The following SCAPER variants were observed in gnomAD, a reference collection of about 807,000 sequenced individuals.
SCAPER encodes the protein S phase cyclin A-associated protein in the endoplasmic reticulum.
Under a neutral mutation model 182.2 loss-of-function variants are expected in SCAPER, and 98 were observed. The observed-to-expected ratio is 0.54, with a 90% confidence interval of 0.46 to 0.64. SCAPER has a LOEUF of 0.64. SCAPER is among the 30% of genes least tolerant of loss of function. The probability of loss-of-function intolerance (pLI) is 0.00; values close to 1 mark genes in which losing one functional copy is unlikely to be tolerated. For missense variants in SCAPER, 1,432 were observed against 1,690.0 expected (o/e 0.85, Z 2.68); for synonymous variants, 605 against 564.6 (o/e 1.07, Z -1.01).
In SCAPER at chr15:76,478,292, CATT is replaced by C. The variant is rs534101922; in HGVS notation, c.2955-6960_2955-6958del. Among the ~76,000 whole-genome samples, 62 of 152,086 alleles carry C rather than the reference CATT, an allele frequency of 4.1e-4. 1 individual carries two copies. The highest frequency in any genetic ancestry group is 4.0e-3 in the Admixed American group (61 of 15,298). Reference sequence around the variant, plus strand: ...TAAAAATAACTTACTAAGATTATCTCATTATAAATATGACAAATGGTTAATACA... The same window carrying C: ...TAAAAATAACTTACTAAGATTATCTCATAAATATGACAAATGGTTAATACA... On this transcript the variant is annotated intron_variant, in intron 24 of 31. Transcript: ENST00000563290.
At chr15:76,734,285 T>C (rs1268171859) in intron 15 of SCAPER, among the ~76,000 whole-genome samples, 1 of 152,068 alleles carries the variant, frequency 6.6e-6, no homozygotes, top group African/African-American at 2.4e-5. Context: ...AGCTCAAAAA[T>C]CAGGTAGGAT....
At chr15:76,372,282 G>A (rs1163562173) in intron 29 of SCAPER, among the ~76,000 whole-genome samples, 1 of 152,166 alleles carries the variant, frequency 6.6e-6, no homozygotes, top group African/African-American at 2.4e-5. Context: ...CAACTGACAA[G>A]TGACAGGGTC....
chr15:76,699,957 T>C (rs1264252417), intron 20 of SCAPER, among the ~76,000 whole-genome samples: 1 of 152,104 alleles, frequency 6.6e-6, no homozygotes. Flanking sequence ...CAGAAAGTGG[T>C]GGGGAGAGGC....
At chr15:76,441,731 C>A (rs1286757924) in intron 25 of SCAPER, among the ~76,000 whole-genome samples, 1 of 152,130 alleles carries the variant, frequency 6.6e-6, no homozygotes, top group African/African-American at 2.4e-5. Flanking sequence ...TAATATTTCT[C>A]TCCCCAAACC....
intron 8 of SCAPER, among the ~76,000 whole-genome samples, chr15:76,780,388 G>A (rs2064043166): frequency 6.6e-6 from 1 of 152,230 alleles, no homozygotes; most frequent in South Asian, 2.1e-4. Context: ...CTCGAACCAG[G>A]TGGAGACCAC....
At chr15:76,691,414 A>T (rs2058350744) in intron 20 of SCAPER, among the ~76,000 whole-genome samples, 1 of 152,148 alleles carries the variant, frequency 6.6e-6, no homozygotes, top group Non-Finnish European at 1.5e-5. Flanking sequence ...TTAATCTACA[A>T]TTTTAAAACA....
chr15:76,497,212 C>T (rs552665294), intron 24 of SCAPER, among the ~76,000 whole-genome samples: 1 of 146,054 alleles, frequency 6.8e-6, no homozygotes, highest in South Asian at 2.2e-4. Context: ...CATGATTATT[C>T]AAATTCAAAT....
At chr15:76,894,026 G>A (rs982944666) in intron 1 of SCAPER, among the ~76,000 whole-genome samples, 18 of 152,146 alleles carry the variant, frequency 1.2e-4, no homozygotes, top group South Asian at 2.1e-4. Context: ...CGAGGCGGGC[G>A]GATCACCTGC....
At chr15:76,831,306 T>C (rs953921873) in intron 5 of SCAPER, among the ~76,000 whole-genome samples, 2 of 152,062 alleles carry the variant, frequency 1.3e-5, no homozygotes, top group Non-Finnish European at 2.9e-5. Context: ...GGTCCCTCCC[T>C]GGCCACACAC....
rs2044912693 is a variant in SCAPER, at chr15:76,543,010, CA to C, written c.2838+31147del. Reference sequence around the variant, plus strand: ...ATATATATATACCCCAAACTCAGTACATTTTTTTAATTTTTAAAAATAATTA... The same window carrying C: ...ATATATATATACCCCAAACTCAGTACTTTTTTTAATTTTTAAAAATAATTA... On this transcript the variant is annotated intron_variant, in intron 23 of 31. Coordinates refer to ENST00000563290, the MANE Select transcript of SCAPER (RefSeq NM_020843.4). Among the ~76,000 whole-genome samples, 4 of 152,144 alleles carry C rather than the reference CA, an allele frequency of 2.6e-5. No individual in the cohort carries two copies. The South Asian group carries it at 8.3e-4, about 32-fold the overall frequency.
intron 27 of SCAPER, among the ~76,000 whole-genome samples, chr15:76,397,348 G>A (rs1465484586): frequency 6.6e-6 from 1 of 151,946 alleles, no homozygotes; most frequent in African/African-American, 2.4e-5. Context: ...GAAAGAGTTT[G>A]GAAGCATTCC....
intron 9 of SCAPER, among the ~76,000 whole-genome samples, chr15:76,773,400 C>T (rs146299706): frequency 1.3e-5 from 2 of 151,844 alleles, no homozygotes; most frequent in Non-Finnish European, 3.0e-5. Context: ...ACACACATTG[C>T]ATAATTTTTA....
At chr15:76,692,954 A>G (rs922453640) in intron 20 of SCAPER, among the ~76,000 whole-genome samples, 5 of 152,118 alleles carry the variant, frequency 3.3e-5, no homozygotes, top group Non-Finnish European at 7.4e-5. Context: ...GAATATTGCA[A>G]TATTCTGTAT....
chr15:76,488,714 C>CTTT lies in SCAPER; in HGVS notation c.2954+16142_2954+16144dup, dbSNP rs71143333. 1.0e-3 allele frequency among the ~76,000 whole-genome samples: 95 copies of CTTT among 93,122 alleles called. 20 individuals carry two copies. The highest frequency in any genetic ancestry group is 2.8e-3 in the African/African-American group (58 of 20,936). 61.1% of individuals were successfully genotyped at this position (93,122 alleles called of 152,430 possible). ...TTGCATCCTGATAACAGTACACTGC[C>CTTT]TTTTTTTTTTTTTTTTTTTTTTTTT... On this transcript the variant is annotated intron_variant, in intron 24 of 31. Coordinates refer to ENST00000563290, the MANE Select transcript of SCAPER (RefSeq NM_020843.4).
intron 8 of SCAPER, among the ~76,000 whole-genome samples, chr15:76,779,110 T>C (rs1425253810): frequency 2.6e-5 from 4 of 151,978 alleles, no homozygotes; most frequent in Non-Finnish European, 5.9e-5. Flanking sequence ...TGAAGATACA[T>C]TGTGGAAAAA....
At chr15:76,646,191 C>T (rs1185936788) in intron 21 of SCAPER, among the ~76,000 whole-genome samples, 2 of 152,090 alleles carry the variant, frequency 1.3e-5, no homozygotes, top group Non-Finnish European at 2.9e-5. Context: ...TACAGTTAGC[C>T]CTCCATATCT....
chr15:76,489,461 A>T (rs1250489472), intron 24 of SCAPER, among the ~76,000 whole-genome samples: 1 of 151,566 alleles, frequency 6.6e-6, no homozygotes, highest in Admixed American at 6.6e-5. Flanking sequence ...CTCCTCTCCC[A>T]ACCCTTGTTT....
chr15:76,891,911 T>G (rs1322273701), intron 1 of SCAPER, among the ~76,000 whole-genome samples: 1 of 152,172 alleles, frequency 6.6e-6, no homozygotes, highest in African/African-American at 2.4e-5. Flanking sequence ...GACTTCATAC[T>G]ACCTGACTTC....
intron 2 of SCAPER, among the ~76,000 whole-genome samples, chr15:76,878,548 G>A (rs1291435059): frequency 6.6e-6 from 1 of 152,116 alleles, no homozygotes; most frequent in Admixed American, 6.5e-5. Context: ...GAAAAAGCAA[G>A]CTACAGAGTA....
Sources: allele counts gnomAD v4.1 joint callset (sites outside exome capture counted in the v4.1 genomes callset), GRCh38; gene constraint gnomAD v4.1.1; transcripts MANE v1.5; gene names NCBI Gene and HGNC (gene_info 2026-07-23, HGNC 2026-07-21).